Variants in CEP85L observed in about 807,000 individuals in gnomAD.
CEP85L encodes the protein centrosomal protein of 85 kDa-like.
In CEP85L, 60 loss-of-function variants were observed where a neutral mutation model predicts 100.3. That is an observed-to-expected ratio of 0.60 (90% CI 0.49 to 0.74). The LOEUF (loss-of-function observed/expected upper bound fraction) is 0.74, where lower values mean the gene tolerates loss of function less well. CEP85L is among the 30% of genes least tolerant of loss of function. CEP85L has a pLI of 0.00. For missense variants in CEP85L, 973 were observed against 936.2 expected, an observed-to-expected ratio of 1.04 and a Z score of -0.51; for synonymous variants, 319 against 322.7, an observed-to-expected ratio of 0.99 and a Z score of 0.12.
chr6:118,695,555 A>T (rs186257960), intron 1 of CEP85L, among the ~76,000 whole-genome samples: 1 of 152,206 alleles, frequency 6.6e-6, no homozygotes, highest in Non-Finnish European at 1.5e-5. Flanking sequence ...TGCATTTCTC[A>T]CAAGTACCCA....
At chr6:118,597,618 A>T (rs975728561) in intron 2 of CEP85L, among the ~76,000 whole-genome samples, 1 of 152,242 alleles carries the variant, frequency 6.6e-6, no homozygotes, top group Non-Finnish European at 1.5e-5. Context: ...CTGCTAACTA[A>T]ATTAGTTTTA....
At chr6:118,643,335 T>C (rs1005602796) in intron 1 of CEP85L, among the ~76,000 whole-genome samples, 1 of 152,190 alleles carries the variant, frequency 6.6e-6, no homozygotes, top group African/African-American at 2.4e-5. Context: ...TAATTTCTTA[T>C]GGTCAGGAGG....
At chr6:118,491,644 G>A (rs1340817332) in intron 6 of CEP85L, 42 bp downstream of exon 6, 17 of 1,587,576 alleles carry the variant, frequency 1.1e-5, no homozygotes, top group Non-Finnish European at 1.4e-5. Flanking sequence ...ATATGCTGAG[G>A]AAATGTTGTT....
intron 1 of CEP85L, among the ~76,000 whole-genome samples, chr6:118,647,956 A>G (rs1353937646): frequency 6.6e-6 from 1 of 152,236 alleles, no homozygotes; most frequent in Non-Finnish European, 1.5e-5. Flanking sequence ...AGGAAACTTA[A>G]GAAAACACTC....
chr6:118,469,600 TG>T (rs1236041926), intron 11 of CEP85L, among the ~76,000 whole-genome samples: 22 of 152,060 alleles, frequency 1.4e-4, no homozygotes, highest in Non-Finnish European at 3.2e-4. Flanking sequence ...GCATGTTGGT[TG>T]TGTATGTATT....
chr6:118,605,991 G>C lies in CEP85L; in HGVS notation c.232+26462C>G, dbSNP rs182665054. Among the ~76,000 whole-genome samples the C allele has an allele frequency of 2.9e-3, 398 of 137,182 alleles. 7 individuals carry two copies. The highest frequency in any genetic ancestry group is 1.8e-3 in the Non-Finnish European group (116 of 65,634). The allele number at this position is 137,182 out of a possible 152,430, so 90.0% of individuals were successfully genotyped here. ...ATCGCGCCACTGCACTCCAGCCTGGGCAACAGAGCAAGACTCTGTCTCAAA... is the reference window on the plus strand; with the variant it reads ...ATCGCGCCACTGCACTCCAGCCTGGCCAACAGAGCAAGACTCTGTCTCAAA... On this transcript the variant is annotated intron_variant, in intron 2 of 12. Transcript: ENST00000368491.
intron 2 of CEP85L, among the ~76,000 whole-genome samples, chr6:118,616,088 C>A (rs1285449320): frequency 1.3e-5 from 2 of 151,708 alleles, no homozygotes; most frequent in Non-Finnish European, 2.9e-5. Context: ...AAATGGATCA[C>A]AAATATAATA....
chr6:118,648,848 T>G lies in CEP85L; in HGVS notation c.73+2349A>C, dbSNP rs186226438. ...TAAACCAGTTTCAGGACAGCTTGAA[T>G]TAATCCACATATTAAGATAAACTCA... On this transcript the variant is annotated intron_variant, in intron 1 of 12. Transcript: ENST00000368491. 1.4e-3 allele frequency among the ~76,000 whole-genome samples: 207 copies of G among 152,226 alleles called. 1 individual carries two copies. Among genetic ancestry groups the G allele is most frequent in the Admixed American group, 3.8e-3 (58 of 15,298 alleles).
chr6:118,652,617 C>A, upstream of CEP85L: 1 of 1,512,362 alleles, frequency 6.6e-7, no homozygotes. Context: ...TTGCATTTTT[C>A]CCTTAAAGAC....
intron 3 of CEP85L, among the ~76,000 whole-genome samples, chr6:118,563,141 G>A (rs1208042972): frequency 1.3e-5 from 2 of 152,160 alleles, no homozygotes; most frequent in South Asian, 2.1e-4. Context: ...ATTACACATG[G>A]AGCCTTCTGT....
rs769688816 is a variant in CEP85L, at chr6:118,461,636, C to A, written c.*3769G>T. The A allele has an allele frequency of 6.6e-6, 1 of 151,962 alleles. No individual in the cohort carries two copies. Among genetic ancestry groups the A allele is most frequent in the Non-Finnish European group, 1.5e-5 (1 of 67,916 alleles). 9.4% of individuals were successfully genotyped at this position (151,962 alleles called of 1,614,324 possible). A position where few individuals can be genotyped will look rare whatever the true frequency, so the allele number is the denominator to read the frequency against. On this transcript the variant is annotated 3_prime_UTR_variant, in exon 13 of 13. Transcript: ENST00000368491. ...ATAAGAAAAAAAATCCAAAATCTTTCCCATACATGATTAAATATATGATAT... is the reference window on the plus strand; with the variant it reads ...ATAAGAAAAAAAATCCAAAATCTTTACCATACATGATTAAATATATGATAT...
chr6:118,708,285 C>T (rs926037285), intron 1 of CEP85L, among the ~76,000 whole-genome samples: 1 of 152,166 alleles, frequency 6.6e-6, no homozygotes, highest in Non-Finnish European at 1.5e-5. Context: ...TGTCTAGAAG[C>T]AATCTGGGCC....
At chr6:118,479,709 A>G (rs1161191237) in intron 10 of CEP85L, among the ~76,000 whole-genome samples, 162 bp downstream of exon 10, 1 of 152,156 alleles carries the variant, frequency 6.6e-6, no homozygotes, top group Non-Finnish European at 1.5e-5. Flanking sequence ...TCAAACAGCA[A>G]AAACTGGAAG....
chr6:118,553,037 A>G (rs1190945411), intron 3 of CEP85L, among the ~76,000 whole-genome samples: 1 of 152,166 alleles, frequency 6.6e-6, no homozygotes, highest in African/African-American at 2.4e-5. Flanking sequence ...GGTGGAGAGC[A>G]GCTTCAGTTT....
At chr6:118,495,842 G>C (rs771429294) in intron 5 of CEP85L, among the ~76,000 whole-genome samples, 58 of 152,208 alleles carry the variant, frequency 3.8e-4, no homozygotes, top group Non-Finnish European at 7.2e-4. Flanking sequence ...TAAAGAGGAT[G>C]AATGAGTCAC....
At chr6:118,597,830 T>C (rs529804057) in intron 2 of CEP85L, among the ~76,000 whole-genome samples, 1 of 152,294 alleles carries the variant, frequency 6.6e-6, no homozygotes, top group South Asian at 2.1e-4. Flanking sequence ...CTGGATACCG[T>C]GTGGGGCCTA....
chr6:118,490,575 C>T (rs1774489090), intron 6 of CEP85L, among the ~76,000 whole-genome samples: 2 of 152,086 alleles, frequency 1.3e-5, no homozygotes, highest in South Asian at 4.1e-4. Context: ...CCCTATGATC[C>T]AGCAATTCAA....
chr6:118,580,576 T>C (rs1780515682), intron 2 of CEP85L, among the ~76,000 whole-genome samples: 1 of 152,188 alleles, frequency 6.6e-6, no homozygotes, highest in Non-Finnish European at 1.5e-5. Flanking sequence ...CCACAGGTGA[T>C]TGGGAATGTT....
chr6:118,651,106 C>A (rs1208738150), intron 1 of CEP85L, 91 bp downstream of exon 1: 2 of 1,416,338 alleles, frequency 1.4e-6, no homozygotes, highest in African/African-American at 1.5e-5. Flanking sequence ...GTAAGACAGG[C>A]CTGAGGCGGG....
Sources: gnomAD v4.1 joint callset for allele counts (sites outside exome capture counted in the v4.1 genomes callset) on GRCh38, gnomAD v4.1.1 for gene constraint, MANE v1.5 for transcripts, NCBI Gene and HGNC (gene_info 2026-07-23, HGNC 2026-07-21) for gene names.